The following DYNC1I1 variants were observed in gnomAD, a reference collection of about 807,000 sequenced individuals.
DYNC1I1 encodes the protein cytoplasmic dynein 1 intermediate chain 1.
DYNC1I1 carries 43 observed loss-of-function variants against 86.6 expected under a neutral mutation model. The ratio of observed to expected loss-of-function variants is 0.50; its 90% CI spans 0.39 to 0.64. The LOEUF is 0.64. Among genes scored for constraint, DYNC1I1 ranks in the 30% least tolerant of loss-of-function variants. The probability of loss-of-function intolerance (pLI) is 0.00; values close to 1 mark genes in which losing one functional copy is unlikely to be tolerated. For synonymous variants in DYNC1I1, 262 were observed against 283.7 expected, an observed-to-expected ratio of 0.92 and a Z score of 0.77; for missense variants, 604 against 788.8, an observed-to-expected ratio of 0.77 and a Z score of 2.81.
At chr7:95,826,160 G>A (rs1311646149) in intron 4 of DYNC1I1, among the ~76,000 whole-genome samples, 1 of 152,166 alleles carries the variant, frequency 6.6e-6, no homozygotes, top group African/African-American at 2.4e-5. Flanking sequence ...CCGGGTATCT[G>A]TATGTGTATT....
chr7:95,993,365 G>T (rs1292405284), intron 9 of DYNC1I1, among the ~76,000 whole-genome samples: 6 of 152,154 alleles, frequency 3.9e-5, no homozygotes, highest in African/African-American at 1.4e-4. Flanking sequence ...AATGGAAAAA[G>T]AAAAGCTGCA....
intron 1 of DYNC1I1, among the ~76,000 whole-genome samples, chr7:95,803,560 G>A (rs2115790172): frequency 6.6e-6 from 1 of 152,310 alleles, no homozygotes; most frequent in South Asian, 2.1e-4. Flanking sequence ...GTCCCAGAGT[G>A]ACTGTAGATT....
intron 6 of DYNC1I1, among the ~76,000 whole-genome samples, chr7:95,975,218 T>G (rs1793272655): frequency 6.6e-6 from 1 of 152,222 alleles, no homozygotes; most frequent in South Asian, 2.1e-4. Context: ...TAGAAGGAAA[T>G]GCACTTACTG....
intron 6 of DYNC1I1, among the ~76,000 whole-genome samples, chr7:95,881,373 G>GA (rs5885930): frequency 2.5e-4 from 38 of 150,160 alleles, no homozygotes; most frequent in African/African-American, 6.9e-4. Context: ...AAAGGAAAAA[G>GA]AAAAAAAAAA....
rs1181936900 is a variant in DYNC1I1 at position 95,986,183 on chromosome 7, A to AGTT, written c.744-872_744-871insTTG. Among the ~76,000 whole-genome samples, 6 of 152,328 alleles carry AGTT rather than the reference A, an allele frequency of 3.9e-5. No homozygotes were observed. The East Asian group carries it at 1.2e-3, about 29-fold the overall frequency. On this transcript the variant is annotated intron_variant, in intron 8 of 16. Coordinates refer to ENST00000447467, the MANE Select transcript of DYNC1I1 (RefSeq NM_001135556.2). Reference sequence around the variant, plus strand: ...GAAGCCAGGTCACCCAGTCTGAACAAGAGCCATATAAGTTAAGTGATGCAG... The same window carrying AGTT: ...GAAGCCAGGTCACCCAGTCTGAACAAGTTGAGCCATATAAGTTAAGTGATGCAG...
At chr7:95,774,105 G>A (rs1793779651) in intron 1 of DYNC1I1, among the ~76,000 whole-genome samples, 1 of 152,158 alleles carries the variant, frequency 6.6e-6, no homozygotes, top group Non-Finnish European at 1.5e-5. Flanking sequence ...CTCTTCATAA[G>A]AACTAACTCT....
At chr7:96,100,341 CCCTTCCTTCCTTCCTTT>C (rs1052805522), downstream of DYNC1I1, among the ~76,000 whole-genome samples, 12 of 151,592 alleles carry the variant, frequency 7.9e-5, no homozygotes, top group East Asian at 9.7e-4. Flanking sequence ...CTCCCTCTCT[CCCTTCCTTCCTTCCTTT>C]CCTTCCTTCC....
intron 5 of DYNC1I1, among the ~76,000 whole-genome samples, chr7:95,835,438 T>C (rs890869680): frequency 1.3e-5 from 2 of 150,940 alleles, no homozygotes; most frequent in African/African-American, 4.9e-5. Context: ...CTGAAAGAAA[T>C]GTATATGCTG....
intron 10 of DYNC1I1, among the ~76,000 whole-genome samples, chr7:96,024,655 A>C (rs1356389744): frequency 6.6e-6 from 1 of 152,192 alleles, no homozygotes; most frequent in Non-Finnish European, 1.5e-5. Context: ...TAGGGAAGTA[A>C]TGAAATTTTT....
chr7:96,105,994 C>A (rs545186434), intron 16 of DYNC1I1, among the ~76,000 whole-genome samples: 8 of 152,110 alleles, frequency 5.3e-5, no homozygotes, highest in Non-Finnish European at 1.2e-4. Flanking sequence ...ATAATGACAT[C>A]TCTTTTTAAG....
At chr7:95,917,712 C>T (rs1203410461) in intron 6 of DYNC1I1, among the ~76,000 whole-genome samples, 1 of 152,232 alleles carries the variant, frequency 6.6e-6, no homozygotes, top group Non-Finnish European at 1.5e-5. Context: ...TGATAAAGTT[C>T]TCAGTGGATC....
chr7:95,995,108 G>C (rs577296782), intron 9 of DYNC1I1, among the ~76,000 whole-genome samples: 2 of 151,980 alleles, frequency 1.3e-5, no homozygotes, highest in Admixed American at 1.3e-4. Flanking sequence ...TTAGCCAGGC[G>C]TGGTGGCCGG....
At chr7:96,056,722 G>A (rs955898634) in intron 14 of DYNC1I1, among the ~76,000 whole-genome samples, 1 of 151,828 alleles carries the variant, frequency 6.6e-6, no homozygotes, top group Non-Finnish European at 1.5e-5. Context: ...TATGCATATA[G>A]CATATGCAAA....
intron 14 of DYNC1I1, among the ~76,000 whole-genome samples, chr7:96,065,850 A>G (rs1434046227): frequency 2.0e-5 from 3 of 152,102 alleles, no homozygotes; most frequent in African/African-American, 4.8e-5. Flanking sequence ...TACAGATCAG[A>G]CCTTCCTCTA....
At position 95,810,293 on chromosome 7, in the gene DYNC1I1, C is replaced by A. The variant is rs947015724; in HGVS notation, c.109-99C>A. 3.4e-5 allele frequency: 30 copies of A among 890,186 alleles called. No individual in the cohort carries two copies. The Admixed American group carries it at 8.8e-4, about 26-fold the overall frequency. The allele number at this position is 890,186 out of a possible 1,614,324, so 55.1% of individuals were successfully genotyped here. On this transcript the variant is annotated intron_variant, in intron 2 of 16. Transcript: ENST00000447467. ...GATTATATCTATTTAGGGCTTTCAC[C>A]TTGTCTTCACTGCCATGCATTTATC... is the stretch of plus-strand genomic sequence containing the variant.
At position 95,981,028 on chromosome 7, in the gene DYNC1I1, G is replaced by A. The variant is rs148475729; in HGVS notation, c.580+3427G>A. ...CATGGGTTTTATTTTTTATCTCTTA[G>A]AGATCCTTGAAAAATATTTTTGAAT... On this transcript the variant is annotated intron_variant, in intron 7 of 16. Coordinates refer to ENST00000447467, the MANE Select transcript of DYNC1I1 (RefSeq NM_001135556.2). Among the ~76,000 whole-genome samples, 136 of 151,964 alleles carry A rather than the reference G, an allele frequency of 8.9e-4. 4 individuals carry two copies. Among genetic ancestry groups the A allele is most frequent in the East Asian group, 6.8e-3 (35 of 5,170 alleles).
chr7:96,022,291 A>C (rs1404223174), intron 10 of DYNC1I1, among the ~76,000 whole-genome samples: 1 of 152,216 alleles, frequency 6.6e-6, no homozygotes, highest in African/African-American at 2.4e-5. Flanking sequence ...ATAGGGTCTA[A>C]ATACTGAAAG....
chr7:95,897,443 A>C (rs1396287172), intron 6 of DYNC1I1, among the ~76,000 whole-genome samples: 1 of 136,354 alleles, frequency 7.3e-6, no homozygotes, highest in Non-Finnish European at 1.7e-5. Context: ...TCTATTGACC[A>C]TGATTTTTTT....
intron 6 of DYNC1I1, among the ~76,000 whole-genome samples, chr7:95,888,964 C>G (rs941429512): frequency 1.3e-5 from 2 of 152,084 alleles, no homozygotes; most frequent in African/African-American, 4.8e-5. Context: ...TCAGTTCAGC[C>G]TGGGGGAATC....
Sources: allele counts gnomAD v4.1 joint callset (sites outside exome capture counted in the v4.1 genomes callset), GRCh38; gene constraint gnomAD v4.1.1; transcripts MANE v1.5; gene names NCBI Gene and HGNC (gene_info 2026-07-23, HGNC 2026-07-21).